Variants in STK32B observed in about 807,000 individuals in gnomAD.
STK32B encodes serine/threonine-protein kinase 32B.
STK32B carries 43 observed loss-of-function variants against 52.6 expected under a neutral mutation model. The observed-to-expected ratio is 0.82, with a 90% CI of 0.64 to 1.05. STK32B has a LOEUF of 1.05. Among genes scored for constraint, STK32B ranks in the 50% least tolerant of loss-of-function variants. The pLI, the probability that STK32B is intolerant of heterozygous loss-of-function variation, is 0.00. For missense variants in STK32B, 621 were observed against 534.6 expected, an observed-to-expected ratio of 1.16 and a Z score of -1.59; for synonymous variants, 238 against 204.3, an observed-to-expected ratio of 1.17 and a Z score of -1.41.
intron 3 of STK32B, among the ~76,000 whole-genome samples, chr4:5,248,613 C>T (rs1725640176): frequency 6.6e-6 from 1 of 152,026 alleles, no homozygotes; most frequent in South Asian, 2.1e-4. Flanking sequence ...AGAGGTTTCC[C>T]AAAAGTTGAA....
Position 5,094,407 on chromosome 4 carries a change from T to G in STK32B, c.52+42492T>G, listed in dbSNP as rs191226039. Among the ~76,000 whole-genome samples the G allele has an allele frequency of 2.0e-5, 3 of 152,262 alleles. No homozygotes were observed. In the East Asian group the frequency reaches 5.8e-4, roughly 29 times the overall value. On this transcript the variant is annotated intron_variant, in intron 1 of 11. Transcript: ENST00000282908. The stretch of plus-strand genomic sequence containing the variant: ...ATAGCTCATGCCTGTAATCCTAGCA[T>G]TTTGAGAGGCCTAGGTGGGAGGATT...
At chr4:5,459,388 T>C (rs1354534363) in intron 8 of STK32B, among the ~76,000 whole-genome samples, 10 of 151,328 alleles carry the variant, frequency 6.6e-5, no homozygotes, top group Non-Finnish European at 1.5e-4. Context: ...TTCCCCCTGC[T>C]TTCAGGGAGG....
In STK32B at chr4:5,398,370, G is replaced by A; in HGVS notation, c.472+126G>A. On this transcript the variant is annotated intron_variant, in intron 5 of 11. Coordinates refer to ENST00000282908, the MANE Select transcript of STK32B (RefSeq NM_018401.3). The surrounding 1 kb of genome is among the most constrained non-coding windows in gnomAD (Gnocchi z 4.9). ...TAGCATTGGCTAGAAACCTTCTCTT[G>A]TTTCAATCCTGGTGGATCAACATCT... 2.1e-6 allele frequency: 2 copies of A among 951,898 alleles called. No homozygotes were observed. The highest frequency in any genetic ancestry group is 3.2e-6 in the Non-Finnish European group (2 of 622,542). 59.0% of individuals were successfully genotyped at this position (951,898 alleles called of 1,614,324 possible).
chr4:5,444,778 A>G (rs1047598012), intron 6 of STK32B, among the ~76,000 whole-genome samples: 55 of 152,142 alleles, frequency 3.6e-4, no homozygotes, highest in African/African-American at 1.2e-3. Flanking sequence ...CAATGAATAA[A>G]CCATTATTAT....
chr4:5,178,248 A>G (rs1383714214), intron 3 of STK32B, among the ~76,000 whole-genome samples: 1 of 152,242 alleles, frequency 6.6e-6, no homozygotes, highest in African/African-American at 2.4e-5. Context: ...ACCACATGTA[A>G]GCCACCAAGG....
At chr4:5,069,172 AAGGTAATGGC>A (rs1711602379) in intron 1 of STK32B, among the ~76,000 whole-genome samples, 1 of 149,184 alleles carries the variant, frequency 6.7e-6, no homozygotes, top group African/African-American at 2.5e-5. Context: ...GTTTTAGTTC[AAGGTAATGGC>A]AGGTTCTCTT....
intron 2 of STK32B, among the ~76,000 whole-genome samples, chr4:5,155,055 C>CT (rs1332636298): frequency 6.6e-6 from 1 of 152,226 alleles, no homozygotes; most frequent in East Asian, 1.9e-4. Flanking sequence ...TCCAGCCCTT[C>CT]TTCAAGTCTC....
chr4:5,237,548 A>T (rs1724714930), intron 3 of STK32B, among the ~76,000 whole-genome samples: 1 of 152,214 alleles, frequency 6.6e-6, no homozygotes, highest in Non-Finnish European at 1.5e-5. Context: ...GTTTTCTCTG[A>T]GTCTTGATCA....
chr4:5,051,926 G>A lies in STK32B; in HGVS notation c.52+11G>A, dbSNP rs749471083. 5.7e-6 allele frequency: 9 copies of A among 1,587,740 alleles called. No homozygotes were observed. Among genetic ancestry groups the A allele is most frequent in the Non-Finnish European group, 7.7e-6 (9 of 1,167,650 alleles). On this transcript the variant is annotated intron_variant, in intron 1 of 11. Coordinates refer to ENST00000282908, the MANE Select transcript of STK32B (RefSeq NM_018401.3). ...ACGAGAATGAGGAAGGTAAGAGAGC[G>A]AGAGGTGCGAATTCCCGCTTCGCGG... is the stretch of plus-strand genomic sequence containing the variant.
chr4:5,050,070 G>C (rs1741704175), upstream of STK32B, among the ~76,000 whole-genome samples: 1 of 152,204 alleles, frequency 6.6e-6, no homozygotes, highest in Non-Finnish European at 1.5e-5. Flanking sequence ...GCCCATGCCT[G>C]TCCACATTCC....
chr4:5,422,815 G>A (rs1322815926), intron 6 of STK32B, among the ~76,000 whole-genome samples: 1 of 152,134 alleles, frequency 6.6e-6, no homozygotes, highest in African/African-American at 2.4e-5. Flanking sequence ...AAGAGGGGGA[G>A]ATGAGATCTT....
intron 6 of STK32B, among the ~76,000 whole-genome samples, chr4:5,431,936 C>A (rs1409463215): frequency 6.6e-6 from 1 of 152,182 alleles, no homozygotes; most frequent in Non-Finnish European, 1.5e-5. Flanking sequence ...CTTCTTGGCA[C>A]ACTTTAATGC....
chr4:5,159,728 A>AAT (rs59955672), intron 2 of STK32B, among the ~76,000 whole-genome samples: 2 of 110,172 alleles, frequency 1.8e-5, no homozygotes, highest in Non-Finnish European at 3.2e-5. Context: ...AATGTATATG[A>AAT]ATATATATAT....
intron 11 of STK32B, among the ~76,000 whole-genome samples, chr4:5,495,925 G>A (rs58128956): frequency 0.051 from 7,727 of 152,210 alleles, 654 homozygotes; most frequent in African/African-American, 0.17. Flanking sequence ...CTCTCTGATC[G>A]TTCCTCTGGA....
intron 1 of STK32B, among the ~76,000 whole-genome samples, chr4:5,063,429 A>G (rs1236488879): frequency 1.3e-5 from 2 of 151,720 alleles, no homozygotes; most frequent in African/African-American, 4.8e-5. Flanking sequence ...TGCAACCTCC[A>G]CCTCCCAGGC....
chr4:5,274,868 C>T (rs539557414), intron 3 of STK32B, among the ~76,000 whole-genome samples: 10 of 152,312 alleles, frequency 6.6e-5, no homozygotes, highest in South Asian at 2.1e-4. Context: ...GCAGGGTGTC[C>T]GCTATGCTCC....
At chr4:5,203,651 G>C (rs1026045781) in intron 3 of STK32B, among the ~76,000 whole-genome samples, 1 of 152,152 alleles carries the variant, frequency 6.6e-6, no homozygotes, top group Non-Finnish European at 1.5e-5. Flanking sequence ...GCCTGATACG[G>C]CGCACAGTAC....
intron 4 of STK32B, among the ~76,000 whole-genome samples, chr4:5,341,696 G>T (rs1312568359): frequency 6.6e-6 from 1 of 152,154 alleles, no homozygotes; most frequent in African/African-American, 2.4e-5. Flanking sequence ...ATTAGCTCAT[G>T]GTTCTGCGGG....
At chr4:5,343,338 C>T (rs1171939106) in intron 4 of STK32B, among the ~76,000 whole-genome samples, 1 of 152,038 alleles carries the variant, frequency 6.6e-6, no homozygotes. Context: ...TTTTCTTCAT[C>T]CAGTCTATCA....
Sources: allele counts gnomAD v4.1 joint callset (sites outside exome capture counted in the v4.1 genomes callset), GRCh38; gene constraint gnomAD v4.1.1; non-coding constraint Gnocchi (gnomAD v3.1); transcripts MANE v1.5; gene names NCBI Gene and HGNC (gene_info 2026-07-23, HGNC 2026-07-21).